The following GUCY1A2 variants were observed in gnomAD, a reference collection of about 807,000 sequenced individuals.
The protein encoded by GUCY1A2 is guanylate cyclase 1 soluble subunit alpha 2.
A neutral mutation model predicts 63.5 loss-of-function variants in GUCY1A2; 27 were observed. That is an observed-to-expected ratio of 0.43 (90% CI 0.31 to 0.59). The LOEUF (loss-of-function observed/expected upper bound fraction) is 0.59. GUCY1A2 is among the 20% of genes least tolerant of loss of function. The probability of loss-of-function intolerance (pLI) is 0.11; values close to 1 mark genes in which losing one functional copy is unlikely to be tolerated. For missense variants in GUCY1A2, 768 were observed against 913.3 expected, an observed-to-expected ratio of 0.84 and a Z score of 2.05; for synonymous variants, 364 against 343.5, an observed-to-expected ratio of 1.06 and a Z score of -0.66.
chr11:106,926,769 T>C (rs1207370552), intron 4 of GUCY1A2, among the ~76,000 whole-genome samples: 2 of 151,868 alleles, frequency 1.3e-5, no homozygotes, highest in African/African-American at 2.4e-5. Context: ...TCGAAAGAAA[T>C]GTCTGGGGAA....
At chr11:106,848,087 G>T (rs1859301362) in intron 4 of GUCY1A2, among the ~76,000 whole-genome samples, 1 of 151,616 alleles carries the variant, frequency 6.6e-6, no homozygotes, top group East Asian at 1.9e-4. Flanking sequence ...TTTGAAAATA[G>T]GCTGAAGACA....
At chr11:106,792,667 T>C (rs1864685270) in intron 5 of GUCY1A2, among the ~76,000 whole-genome samples, 1 of 113,502 alleles carries the variant, frequency 8.8e-6, no homozygotes, top group Non-Finnish European at 1.9e-5. Context: ...TCATACTGAA[T>C]GGGCAAAAGC....
chr11:106,790,121 C>T (rs1864631649), intron 5 of GUCY1A2, among the ~76,000 whole-genome samples: 1 of 152,168 alleles, frequency 6.6e-6, no homozygotes, highest in Non-Finnish European at 1.5e-5. Flanking sequence ...CCAGAGATGC[C>T]ATCTGATAGC....
chr11:106,764,970 T>TGG (rs34675895), intron 6 of GUCY1A2, among the ~76,000 whole-genome samples: 35,283 of 91,594 alleles, frequency 0.39, 5,420 homozygotes, highest in Middle Eastern at 0.48. Context: ...CAGATTTTTT[T>TGG]GGGGGGGGGT....
At chr11:107,010,529 C>T (rs906332595) in intron 1 of GUCY1A2, among the ~76,000 whole-genome samples, 1 of 152,044 alleles carries the variant, frequency 6.6e-6, no homozygotes, top group Non-Finnish European at 1.5e-5. Flanking sequence ...GACTTCCTTC[C>T]GAAGTTTTGC....
intron 5 of GUCY1A2, 35 bp from the exon 6 acceptor site, chr11:106,776,617 G>GA (rs774027740): frequency 1.9e-6 from 3 of 1,597,294 alleles, no homozygotes; most frequent in African/African-American, 2.7e-5. Flanking sequence ...GCAAACGTAT[G>GA]ATAATGAGCC....
intron 1 of GUCY1A2, among the ~76,000 whole-genome samples, chr11:107,014,959 C>T (rs1191642376): frequency 6.6e-6 from 1 of 152,138 alleles, no homozygotes; most frequent in Non-Finnish European, 1.5e-5. Flanking sequence ...TAATCCATCT[C>T]CTGAAGAGTA....
chr11:106,886,401 C>A (rs1056323476), intron 4 of GUCY1A2, among the ~76,000 whole-genome samples: 2 of 152,060 alleles, frequency 1.3e-5, no homozygotes, highest in Non-Finnish European at 2.9e-5. Context: ...ACACAAATAA[C>A]AACTCTAGAC....
At chr11:106,734,995 ATTT>A (rs900455300) in intron 6 of GUCY1A2, among the ~76,000 whole-genome samples, 46 of 152,002 alleles carry the variant, frequency 3.0e-4, no homozygotes, top group African/African-American at 1.1e-3. Context: ...TATTTTTTTA[ATTT>A]TTTATTTTTA....
intron 3 of GUCY1A2, among the ~76,000 whole-genome samples, chr11:106,945,452 A>C (rs1432768255): frequency 6.6e-6 from 1 of 152,196 alleles, no homozygotes; most frequent in Non-Finnish European, 1.5e-5. Flanking sequence ...ATGAAGAAGT[A>C]GAGGAGTCTG....
Position 106,863,038 on chromosome 11 carries a change from C to G in GUCY1A2, c.1207-52560G>C, listed in dbSNP as rs188254939. ...TCTCTGACTATGCTGCCCCCTCTCA[C>G]TGCTTAGTCCTCAAAGATAAACTTG... On this transcript the variant is annotated intron_variant, in intron 4 of 7. Coordinates refer to ENST00000526355, the MANE Select transcript of GUCY1A2 (RefSeq NM_000855.3). Among the ~76,000 whole-genome samples the G allele has an allele frequency of 2.0e-4, 31 of 152,194 alleles. No individual in the cohort carries two copies. The East Asian group carries it at 2.1e-3, about 10-fold the overall frequency.
rs151337007 is a variant in GUCY1A2, at chr11:106,950,140, G to A, written c.488-9962C>T. ...AAATTCTTGTTCCTTTGCCAACAAG[G>A]AGCCACAGGTGTTGAGTGCTAAGAA... On this transcript the variant is annotated intron_variant, in intron 3 of 7. Coordinates refer to ENST00000526355, the MANE Select transcript of GUCY1A2 (RefSeq NM_000855.3). 2.3e-3 allele frequency among the ~76,000 whole-genome samples: 351 copies of A among 152,332 alleles called. 1 individual carries two copies. Among genetic ancestry groups the A allele is most frequent in the Middle Eastern group, 0.014 (4 of 294 alleles).
chr11:106,936,517 T>A (rs1394899947), intron 4 of GUCY1A2: 4 of 533,730 alleles, frequency 7.5e-6, no homozygotes, highest in Non-Finnish European at 1.3e-5. Flanking sequence ...ATACGAATAC[T>A]ATAATGAGGA....
In GUCY1A2 at chr11:106,959,431, G is replaced by A. The variant is rs146328384; in HGVS notation, c.487+19188C>T. Among the ~76,000 whole-genome samples the A allele has an allele frequency of 8.5e-5, 13 of 152,130 alleles. No homozygotes were observed. In the East Asian group the frequency reaches 1.5e-3, roughly 18 times the overall value. ...ATACTCACACATATTTTATGTACTC[G>A]GATTCATAATGTTCATGATATGCCC... is the stretch of plus-strand genomic sequence containing the variant. On this transcript the variant is annotated intron_variant, in intron 3 of 7. Transcript: ENST00000526355.
intron 7 of GUCY1A2, among the ~76,000 whole-genome samples, chr11:106,698,138 T>A (rs868680724): frequency 6.6e-4 from 96 of 145,790 alleles, no homozygotes; most frequent in Non-Finnish European, 8.2e-4. Context: ...TTTTTTTTTT[T>A]AGACAGGGTC....
chr11:106,734,429 T>G (rs2135373870), intron 6 of GUCY1A2, among the ~76,000 whole-genome samples: 1 of 152,186 alleles, frequency 6.6e-6, no homozygotes, highest in African/African-American at 2.4e-5. Context: ...TTACAATAGG[T>G]TTGAAAAAAA....
At chr11:106,899,332 G>A (rs1438424146) in intron 4 of GUCY1A2, among the ~76,000 whole-genome samples, 1 of 152,070 alleles carries the variant, frequency 6.6e-6, no homozygotes, top group Non-Finnish European at 1.5e-5. Context: ...TCCAGAAACA[G>A]TTTAAATGAA....
chr11:106,918,842 T>C (rs1309854685), intron 4 of GUCY1A2, among the ~76,000 whole-genome samples: 1 of 109,808 alleles, frequency 9.1e-6, no homozygotes, highest in African/African-American at 2.7e-5. Context: ...AAATAATCAA[T>C]ATTAGAAAGC....
intron 4 of GUCY1A2, among the ~76,000 whole-genome samples, chr11:106,858,068 CA>C (rs1411380274): frequency 3.3e-5 from 5 of 152,142 alleles, no homozygotes; most frequent in African/African-American, 1.2e-4. Flanking sequence ...CAATGTGCCC[CA>C]AATGTACCTT....
Sources: gnomAD v4.1 joint callset for allele counts (sites outside exome capture counted in the v4.1 genomes callset) on GRCh38, gnomAD v4.1.1 for gene constraint, MANE v1.5 for transcripts, NCBI Gene and HGNC (gene_info 2026-07-23, HGNC 2026-07-21) for gene names.